ANKRD12: variants seen among roughly 807,000 people sequenced by gnomAD.
ANKRD12 encodes the protein ankyrin repeat domain-containing protein 12.
Under a neutral mutation model 183.4 loss-of-function variants are expected in ANKRD12, and 85 were observed. The ratio of observed to expected loss-of-function variants is 0.46; its 90% CI spans 0.39 to 0.56. The LOEUF (loss-of-function observed/expected upper bound fraction) is 0.56, where lower values mean the gene tolerates loss of function less well. Ranked by LOEUF, ANKRD12 falls within the 20% of genes least tolerant of loss-of-function variation. The pLI is 0.00. For missense variants in ANKRD12, 2,405 were observed against 2,357.1 expected (o/e 1.02, Z -0.42); for synonymous variants, 914 against 800.2 (o/e 1.14, Z -2.40).
At chr18:9,185,600 A>G (rs758240231) in intron 2 of ANKRD12, among the ~76,000 whole-genome samples, 11 of 152,240 alleles carry the variant, frequency 7.2e-5, no homozygotes, top group Non-Finnish European at 1.2e-4. Context: ...ACTCAAAACA[A>G]GTCTGGATTG....
chr18:9,197,187 A>C (rs999568517), intron 3 of ANKRD12, among the ~76,000 whole-genome samples: 1 of 152,220 alleles, frequency 6.6e-6, no homozygotes, highest in Admixed American at 6.5e-5. Context: ...AAAATTAAGG[A>C]GAAAATGTTA....
chr18:9,167,930 G>T (rs1176878544), intron 1 of ANKRD12, among the ~76,000 whole-genome samples: 2 of 152,042 alleles, frequency 1.3e-5, no homozygotes, highest in Non-Finnish European at 2.9e-5. Context: ...AGCATGAAGG[G>T]TTGTTGAATT....
At chr18:9,251,018 A>G (rs2038263341) in intron 8 of ANKRD12, among the ~76,000 whole-genome samples, 2 of 152,144 alleles carry the variant, frequency 1.3e-5, no homozygotes, top group African/African-American at 4.8e-5. Flanking sequence ...TGGTATATTT[A>G]GTTTTGTATC....
At chr18:9,169,234 C>G (rs894705055) in intron 1 of ANKRD12, among the ~76,000 whole-genome samples, 1 of 152,168 alleles carries the variant, frequency 6.6e-6, no homozygotes, top group Admixed American at 6.5e-5. Flanking sequence ...ATGAGGTCCA[C>G]TTGGTGCAGA....
intron 3 of ANKRD12, among the ~76,000 whole-genome samples, chr18:9,197,762 T>C (rs917096265): frequency 3.9e-5 from 6 of 152,194 alleles, no homozygotes; most frequent in African/African-American, 1.4e-4. Flanking sequence ...TGTCTTCACA[T>C]TGAGTAGACT....
intron 1 of ANKRD12, among the ~76,000 whole-genome samples, chr18:9,172,693 C>G (rs771815280): frequency 3.3e-5 from 5 of 152,136 alleles, no homozygotes; most frequent in African/African-American, 2.4e-5. Context: ...AGTTCATTAT[C>G]ACCCACCTTC....
Position 9,136,923 on chromosome 18 carries a change from A to C in ANKRD12, c.-94A>C, listed in dbSNP as rs2078118368. 6.6e-6 allele frequency: 1 copy of C among 152,050 alleles called. No homozygotes were observed. Among genetic ancestry groups the C allele is most frequent in the African/African-American group, 2.4e-5 (1 of 41,310 alleles). The allele number at this position is 152,050 out of a possible 1,614,324, so 9.4% of individuals were successfully genotyped here. On this transcript the variant is annotated 5_prime_UTR_variant, in exon 1 of 13. Coordinates refer to ENST00000262126, the MANE Select transcript of ANKRD12 (RefSeq NM_015208.5). ...ACGACAGCGACGGCTACGCCGAAGC[A>C]CTCGTTCCGGGGGTGAAGCCTCCTG...
intron 2 of ANKRD12, among the ~76,000 whole-genome samples, chr18:9,194,586 A>G (rs376165415): frequency 1.2e-4 from 18 of 152,144 alleles, no homozygotes; most frequent in South Asian, 4.2e-4. Context: ...CAAACTCCTG[A>G]CCTCAGGTGA....
intron 1 of ANKRD12, among the ~76,000 whole-genome samples, chr18:9,162,728 T>C (rs1431461229): frequency 1.3e-5 from 2 of 152,210 alleles, no homozygotes; most frequent in Admixed American, 6.5e-5. Context: ...TCTGGACTTT[T>C]TAATAATCGC....
intron 3 of ANKRD12, among the ~76,000 whole-genome samples, chr18:9,200,220 A>T (rs921047992): frequency 2.6e-5 from 4 of 152,250 alleles, no homozygotes; most frequent in African/African-American, 9.6e-5. Context: ...AGGAGAAATT[A>T]GGGAATGAAT....
At position 9,256,209 on chromosome 18, in the gene ANKRD12, A is replaced by G. The variant is rs768695986; in HGVS notation, c.2942A>G (p.Glu981Gly). 3.8e-6 allele frequency: 6 copies of G among 1,576,064 alleles called. No homozygotes were observed. The Admixed American group carries it at 8.1e-5, about 21-fold the overall frequency. ...ACTAACTCCAAACACATACAGGAAG[A>G]AAAAAAATCAAGTATAGTAGACGGT... ...NITNSKHIQEEKKSSIVDGNK... is the reference protein window; with the variant it reads ...NITNSKHIQEGKKSSIVDGNK... Residue 981 changes from glutamate (E) to glycine (G), a missense_variant, in exon 9 of 13, where the codon GAA becomes GGA. This residue lies in a region of ANKRD12 where 1,983 missense variants were observed against 1,725.9 expected (regional missense o/e 1.15). Coordinates refer to ENST00000262126, the MANE Select transcript of ANKRD12 (RefSeq NM_015208.5).
At chr18:9,269,825 G>C (rs1311509518) in intron 10 of ANKRD12, among the ~76,000 whole-genome samples, 1 of 152,182 alleles carries the variant, frequency 6.6e-6, no homozygotes, top group East Asian at 1.9e-4. Flanking sequence ...CCATCAGAGT[G>C]AACAGGCAGC....
At chr18:9,167,857 T>C (rs2032252382) in intron 1 of ANKRD12, among the ~76,000 whole-genome samples, 2 of 152,202 alleles carry the variant, frequency 1.3e-5, no homozygotes, top group Non-Finnish European at 2.9e-5. Flanking sequence ...TGTGGGTTTG[T>C]CATACATAGC....
At chr18:9,205,744 A>T (rs773681363) in intron 4 of ANKRD12, among the ~76,000 whole-genome samples, 2 of 151,448 alleles carry the variant, frequency 1.3e-5, no homozygotes, top group African/African-American at 4.9e-5. Context: ...GTAATGGCAA[A>T]TTTTTTTTTC....
At chr18:9,178,643 A>G (rs1310604214) in intron 1 of ANKRD12, among the ~76,000 whole-genome samples, 1 of 152,156 alleles carries the variant, frequency 6.6e-6, no homozygotes, top group African/African-American at 2.4e-5. Flanking sequence ...ACATTTTCAT[A>G]TACATTATAG....
In ANKRD12 at chr18:9,173,606, G is replaced by A. The variant is rs943407210; in HGVS notation, c.-51-8776G>A. Among the ~76,000 whole-genome samples the A allele has an allele frequency of 6.7e-5, 9 of 133,938 alleles. 1 individual carries two copies. Among genetic ancestry groups the A allele is most frequent in the Admixed American group, 3.8e-4 (5 of 13,316 alleles). The allele number at this position is 133,938 out of a possible 152,430, so 87.9% of individuals were successfully genotyped here. Reference sequence around the variant, plus strand: ...CTCCTTCCCTTGGGAGCTCCATCCCGGTGGGGTGGTGGGGGGGGGGTAGGG... The same window carrying A: ...CTCCTTCCCTTGGGAGCTCCATCCCAGTGGGGTGGTGGGGGGGGGGTAGGG... On this transcript the variant is annotated intron_variant, in intron 1 of 12. Coordinates refer to ENST00000262126, the MANE Select transcript of ANKRD12 (RefSeq NM_015208.5).
At chr18:9,235,217 C>CA in intron 8 of ANKRD12, among the ~76,000 whole-genome samples, 1 of 152,100 alleles carries the variant, frequency 6.6e-6, no homozygotes. Context: ...AAAAATAGGC[C>CA]AATAGCTAGG....
Position 9,275,526 on chromosome 18 carries a change from A to G in ANKRD12, c.5766A>G (p.Glu1922=), listed in dbSNP as rs1598781058. The change falls in exon 11 of 13, where the codon GAA becomes GAG. Residue 1922 remains glutamate, a splice_region_variant and synonymous_variant. Transcript: ENST00000262126. The part of the protein sequence containing the change: ...KLRLQHSIER[E]KLIVSNEQEV... ...TTTTTAATTCTTTATTCAACTAGGA[A>G]AAACTCATTGTATCCAACGAACAAG... is the stretch of plus-strand genomic sequence containing the variant. 1 of 1,595,246 alleles carries G rather than the reference A, an allele frequency of 6.3e-7. No individual in the cohort carries two copies. Among genetic ancestry groups the G allele is most frequent in the Non-Finnish European group, 8.5e-7 (1 of 1,171,682 alleles).
chr18:9,265,431 C>G (rs2039231832), intron 10 of ANKRD12, among the ~76,000 whole-genome samples: 1 of 148,326 alleles, frequency 6.7e-6, no homozygotes, highest in Non-Finnish European at 1.5e-5. Context: ...GACAAAACTT[C>G]CAGAGGAATG....
Sources: gnomAD v4.1 joint callset for allele counts (sites outside exome capture counted in the v4.1 genomes callset) on GRCh38, gnomAD v4.1.1 for gene constraint, gnomAD v4.1.1 regional missense constraint, MANE v1.5 for transcripts, NCBI Gene and HGNC (gene_info 2026-07-23, HGNC 2026-07-21) for gene names.